COL21A1: variants seen among roughly 807,000 people sequenced by gnomAD.
COL21A1 encodes the protein collagen alpha-1(XXI) chain.
COL21A1 carries 149 observed loss-of-function variants against 137.9 expected under a neutral mutation model. The ratio of observed to expected loss-of-function variants is 1.08; its 90% CI spans 0.95 to 1.24. The LOEUF (loss-of-function observed/expected upper bound fraction) is 1.24. Among genes scored for constraint, COL21A1 ranks in the 50% most tolerant of loss-of-function variants. The pLI, the probability that COL21A1 is intolerant of heterozygous loss-of-function variation, is 0.00. For synonymous variants in COL21A1, 456 were observed against 391.5 expected, an observed-to-expected ratio of 1.16 and a Z score of -1.95; for missense variants, 1,167 against 1,158.4, an observed-to-expected ratio of 1.01 and a Z score of -0.11.
chr6:56,161,158 T>C (rs912014824), intron 9 of COL21A1, among the ~76,000 whole-genome samples: 5 of 152,170 alleles, frequency 3.3e-5, no homozygotes, highest in African/African-American at 1.2e-4. Flanking sequence ...ATTGGCAAAA[T>C]TACTAGGGTG....
chr6:56,217,063 T>A (rs1183542952), intron 1 of COL21A1, among the ~76,000 whole-genome samples: 1 of 152,074 alleles, frequency 6.6e-6, no homozygotes, highest in Non-Finnish European at 1.5e-5. Flanking sequence ...TTTAAGAAAC[T>A]TTTAAGGTGT....
intron 19 of COL21A1, among the ~76,000 whole-genome samples, chr6:56,074,874 A>G (rs1767073895): frequency 6.6e-6 from 1 of 151,432 alleles, no homozygotes. Context: ...AGGAAAAGGG[A>G]TTAAAAAATT....
chr6:56,276,518 C>A (rs1408832317), intron 1 of COL21A1: 7 of 1,168,472 alleles, frequency 6.0e-6, no homozygotes, highest in Non-Finnish European at 8.8e-6. Flanking sequence ...CCAGAAAACA[C>A]CTTCATATTA....
At chr6:56,097,834 T>G in intron 17 of COL21A1, among the ~76,000 whole-genome samples, 1 of 47,018 alleles carries the variant, frequency 2.1e-5, no homozygotes, top group Non-Finnish European at 3.7e-5. Context: ...TATAAATATA[T>G]ATAAATATAT....
At chr6:56,069,808 A>T (rs1766590651) in intron 21 of COL21A1, among the ~76,000 whole-genome samples, 1 of 151,154 alleles carries the variant, frequency 6.6e-6, no homozygotes, top group Non-Finnish European at 1.5e-5. Flanking sequence ...GTTAAACATT[A>T]CAGTTTTCAC....
intron 17 of COL21A1, among the ~76,000 whole-genome samples, chr6:56,092,033 T>G (rs1457806510): frequency 6.6e-6 from 1 of 152,266 alleles, no homozygotes; most frequent in Non-Finnish European, 1.5e-5. Flanking sequence ...AAGGATTCTT[T>G]GAAGCAATCT....
At chr6:56,305,941 A>C (rs1020588697) in intron 1 of COL21A1, among the ~76,000 whole-genome samples, 2 of 150,866 alleles carry the variant, frequency 1.3e-5, no homozygotes, top group Non-Finnish European at 3.0e-5. Context: ...TGGTGACAAA[A>C]TCTCTCAGCA....
chr6:56,154,114 C>T (rs1775546619), intron 10 of COL21A1, among the ~76,000 whole-genome samples: 1 of 152,088 alleles, frequency 6.6e-6, no homozygotes, highest in Non-Finnish European at 1.5e-5. Context: ...CATGGAGACA[C>T]TTATTGTGGG....
chr6:56,082,731 C>T (rs776549803), intron 17 of COL21A1, among the ~76,000 whole-genome samples: 3 of 151,488 alleles, frequency 2.0e-5, no homozygotes, highest in Non-Finnish European at 2.9e-5. Context: ...CCATCCCCAC[C>T]AAATAAAAAA....
rs1764331370 is a variant in COL21A1 at position 56,302,698 on chromosome 6, T to G, written c.-39+91273A>C. Among the ~76,000 whole-genome samples, 4 of 152,018 alleles carry G rather than the reference T, an allele frequency of 2.6e-5. No individual in the cohort carries two copies. In the South Asian group the frequency reaches 6.2e-4, roughly 24 times the overall value. Reference sequence around the variant, plus strand: ...GTAGGTTGCCTGTTCACTCTGATGGTAGTTTCTTTTGCTGTGCAGAAGCTC... The same window carrying G: ...GTAGGTTGCCTGTTCACTCTGATGGGAGTTTCTTTTGCTGTGCAGAAGCTC... On this transcript the variant is annotated intron_variant, in intron 1 of 28. Coordinates refer to the COL21A1 transcript ENST00000370819.
intron 1 of COL21A1, among the ~76,000 whole-genome samples, chr6:56,309,190 T>C (rs1324270674): frequency 6.6e-6 from 1 of 152,036 alleles, no homozygotes; most frequent in Non-Finnish European, 1.5e-5. Context: ...TACAGACACA[T>C]GCCACCACAC....
chr6:56,211,251 A>ACATAT (rs1353781229), intron 1 of COL21A1, among the ~76,000 whole-genome samples: 1 of 143,238 alleles, frequency 7.0e-6, no homozygotes. Flanking sequence ...ATGTATATAT[A>ACATAT]ATGAAAGGAT....
chr6:56,325,778 T>TAA (rs368867148), intron 1 of COL21A1, among the ~76,000 whole-genome samples: 4 of 104 alleles, frequency 0.038, no homozygotes, highest in Non-Finnish European at 0.3. Context: ...TTATATATAT[T>TAA]TATATAATAT....
intron 1 of COL21A1, among the ~76,000 whole-genome samples, chr6:56,328,127 T>C (rs1414154591): frequency 6.6e-6 from 1 of 152,102 alleles, no homozygotes; most frequent in Non-Finnish European, 1.5e-5. Flanking sequence ...ATTTCTCAGA[T>C]CCTTAATTAT....
chr6:56,253,271 T>C (rs780555352), intron 1 of COL21A1, among the ~76,000 whole-genome samples: 1 of 152,224 alleles, frequency 6.6e-6, no homozygotes, highest in Non-Finnish European at 1.5e-5. Flanking sequence ...GGAGTGATTG[T>C]AGTAGTCCTT....
intron 20 of COL21A1, among the ~76,000 whole-genome samples, chr6:56,072,728 G>A (rs937416338): frequency 9.2e-5 from 14 of 151,430 alleles, no homozygotes; most frequent in African/African-American, 3.1e-4. Flanking sequence ...GACTTGTATG[G>A]CTCTCTAAGC....
intron 3 of COL21A1, among the ~76,000 whole-genome samples, chr6:56,175,062 G>T (rs2840993): frequency 1.3e-5 from 2 of 152,036 alleles, no homozygotes; most frequent in Non-Finnish European, 2.9e-5. Flanking sequence ...CATCTCAATG[G>T]AGGCAGAAAA....
chr6:56,066,991 G>A (rs1327950570), intron 23 of COL21A1, among the ~76,000 whole-genome samples: 1 of 125,300 alleles, frequency 8.0e-6, no homozygotes, highest in Admixed American at 8.2e-5. Flanking sequence ...GTGTGTGTGT[G>A]TGTGTATGTG....
At chr6:56,260,724 G>A (rs1763248016) in intron 1 of COL21A1, among the ~76,000 whole-genome samples, 1 of 150,900 alleles carries the variant, frequency 6.6e-6, no homozygotes, top group South Asian at 2.1e-4. Context: ...AGGAAGGGAG[G>A]CAGGCAGGAA....
Sources: allele counts gnomAD v4.1 joint callset (sites outside exome capture counted in the v4.1 genomes callset), GRCh38; gene constraint gnomAD v4.1.1; transcripts MANE v1.5; gene names NCBI Gene and HGNC (gene_info 2026-07-23, HGNC 2026-07-21).